Variants in ZSWIM5 observed in about 807,000 individuals in gnomAD.
The protein encoded by ZSWIM5 is zinc finger SWIM-type containing 5.
ZSWIM5 carries 55 observed loss-of-function variants against 119.6 expected under a neutral mutation model. The ratio of observed to expected loss-of-function variants is 0.46; its 90% CI spans 0.37 to 0.58. The LOEUF is 0.58. Ranked by LOEUF, ZSWIM5 falls within the 20% of genes least tolerant of loss-of-function variation. The pLI is 0.00. For missense variants in ZSWIM5, 1,193 were observed against 1,512.8 expected (o/e 0.79, Z 3.51); for synonymous variants, 537 against 606.9 (o/e 0.88, Z 1.69).
chr1:45,103,457 T>C (rs967570424), intron 1 of ZSWIM5, among the ~76,000 whole-genome samples: 1 of 152,234 alleles, frequency 6.6e-6, no homozygotes, highest in Non-Finnish European at 1.5e-5. Flanking sequence ...AAATGTAAAG[T>C]TGGGATCTGA....
At chr1:45,061,076 C>T (rs1645149444) in intron 2 of ZSWIM5, among the ~76,000 whole-genome samples, 2 of 152,032 alleles carry the variant, frequency 1.3e-5, no homozygotes, top group Non-Finnish European at 2.9e-5. Flanking sequence ...ATATTGAGCT[C>T]ACCTTGACAA....
chr1:45,047,562 G>T (rs1456549942), intron 5 of ZSWIM5, among the ~76,000 whole-genome samples: 1 of 152,168 alleles, frequency 6.6e-6, no homozygotes, highest in Non-Finnish European at 1.5e-5. Context: ...AATTCATGGA[G>T]AGTGAAAAAT....
chr1:45,020,497 A>C, intron 12 of ZSWIM5, 128 bp downstream of exon 12: 2 of 1,147,828 alleles, frequency 1.7e-6, no homozygotes, highest in Non-Finnish European at 2.5e-6. Flanking sequence ...CCTAGCCTAG[A>C]ACTTGTGTTC....
intron 1 of ZSWIM5, among the ~76,000 whole-genome samples, chr1:45,166,081 A>G (rs536160938): frequency 6.6e-6 from 1 of 152,288 alleles, no homozygotes; most frequent in Non-Finnish European, 1.5e-5. Flanking sequence ...AAATACTGGC[A>G]AACTGAATCC....
chr1:45,047,815 T>C (rs112267133), intron 5 of ZSWIM5, among the ~76,000 whole-genome samples: 14 of 152,234 alleles, frequency 9.2e-5, no homozygotes, highest in African/African-American at 3.4e-4. Flanking sequence ...TCTCTTCTGA[T>C]TGCTTCTTTA....
At chr1:45,066,968 GT>G (rs1395395651) in intron 2 of ZSWIM5, among the ~76,000 whole-genome samples, 1 of 152,140 alleles carries the variant, frequency 6.6e-6, no homozygotes, top group Non-Finnish European at 1.5e-5. Context: ...TAACTACAAG[GT>G]TTTCATCATG....
intron 5 of ZSWIM5, among the ~76,000 whole-genome samples, chr1:45,049,763 G>A (rs1167383982): frequency 2.6e-5 from 4 of 151,786 alleles, no homozygotes; most frequent in South Asian, 2.1e-4. Flanking sequence ...GCAGTGAGCC[G>A]AGATCGCAGT....
intron 1 of ZSWIM5, among the ~76,000 whole-genome samples, chr1:45,113,127 C>T (rs188129828): frequency 1.8e-4 from 28 of 152,236 alleles, no homozygotes; most frequent in Admixed American, 1.2e-3. Flanking sequence ...AGAGTAATGA[C>T]GGGCACAATT....
chr1:45,032,792 AT>A (rs11309060), intron 11 of ZSWIM5, among the ~76,000 whole-genome samples: 88,262 of 148,596 alleles, frequency 0.59, 27,139 homozygotes, highest in Middle Eastern at 0.76. Flanking sequence ...TGGCCTGATA[AT>A]TTTTTTTTTT....
At chr1:45,068,956 C>T (rs1369581599) in intron 2 of ZSWIM5, among the ~76,000 whole-genome samples, 1 of 151,612 alleles carries the variant, frequency 6.6e-6, no homozygotes, top group African/African-American at 2.4e-5. Context: ...CAGGCACACA[C>T]CACCATGCCC....
chr1:45,195,139 G>A (rs566197361), intron 1 of ZSWIM5, among the ~76,000 whole-genome samples: 3 of 152,060 alleles, frequency 2.0e-5, no homozygotes, highest in Middle Eastern at 3.4e-3. Flanking sequence ...ATTTTTAAAC[G>A]CCATTTTTAT....
rs778627612 is a variant in ZSWIM5 at position 45,034,299 on chromosome 1, T to C, written c.2449+13A>G. The C allele has an allele frequency of 6.3e-7, 1 of 1,580,786 alleles. No homozygotes were observed. Among genetic ancestry groups the C allele is most frequent in the South Asian group, 1.2e-5 (1 of 86,234 alleles). On this transcript the variant is annotated intron_variant, in intron 11 of 13. Coordinates refer to ENST00000359600, the MANE Select transcript of ZSWIM5 (RefSeq NM_020883.2). Reference sequence around the variant, plus strand: ...ACGGGTGATGCTGGAGCTTAAGGTCTATCTATGCTCACCTTTGGCAGCAGT... The same window carrying C: ...ACGGGTGATGCTGGAGCTTAAGGTCCATCTATGCTCACCTTTGGCAGCAGT...
In ZSWIM5 at chr1:45,206,108, CCGTT is replaced by C; in HGVS notation, c.239_242del (p.Glu80GlyfsTer122). On this transcript the variant is annotated frameshift_variant, in exon 1 of 14. Coordinates refer to ENST00000359600, the MANE Select transcript of ZSWIM5 (RefSeq NM_020883.2). LOFTEE classifies it high-confidence loss of function. ...GGATCCGCTCGAAGCGCTCCTCCACCCGTTCGTATGCCCACTTTTCCGCCACCGT... is the reference window on the plus strand; with the variant it reads ...GGATCCGCTCGAAGCGCTCCTCCACCCGTATGCCCACTTTTCCGCCACCGT... 6.2e-7 allele frequency: 1 copy of C among 1,611,806 alleles called. No individual in the cohort carries two copies. The highest frequency in any genetic ancestry group is 8.5e-7 in the Non-Finnish European group (1 of 1,179,438).
intron 1 of ZSWIM5, among the ~76,000 whole-genome samples, chr1:45,104,286 T>C (rs1287793264): frequency 6.6e-6 from 1 of 152,174 alleles, no homozygotes; most frequent in East Asian, 1.9e-4. Flanking sequence ...AAAGCCTTTC[T>C]CAAAAGCTGG....
intron 1 of ZSWIM5, among the ~76,000 whole-genome samples, chr1:45,154,337 G>A (rs936597338): frequency 6.6e-6 from 1 of 152,124 alleles, no homozygotes; most frequent in African/African-American, 2.4e-5. Context: ...CACATTACCT[G>A]ATTTCAAACA....
chr1:45,038,801 G>T, intron 8 of ZSWIM5, 135 bp downstream of exon 8: 1 of 1,025,466 alleles, frequency 9.8e-7, no homozygotes, highest in Non-Finnish European at 1.4e-6. Context: ...TTGCCATGTT[G>T]CCCAGGCTGG....
intron 4 of ZSWIM5, among the ~76,000 whole-genome samples, chr1:45,056,816 G>C (rs1460398071): frequency 6.6e-6 from 1 of 152,116 alleles, no homozygotes; most frequent in East Asian, 1.9e-4. Flanking sequence ...TAGAGGAGAA[G>C]GCAAACCATA....
chr1:45,172,849 G>A (rs1645954610), intron 1 of ZSWIM5, among the ~76,000 whole-genome samples: 1 of 152,030 alleles, frequency 6.6e-6, no homozygotes, highest in African/African-American at 2.4e-5. Flanking sequence ...TCAGAATGTT[G>A]TGCCTCTTTT....
chr1:45,151,601 A>G (rs1413682591), intron 1 of ZSWIM5, among the ~76,000 whole-genome samples: 1 of 152,130 alleles, frequency 6.6e-6, no homozygotes, highest in Admixed American at 6.6e-5. Flanking sequence ...TATAGGACAT[A>G]TAACAGGGAT....
Sources: allele counts gnomAD v4.1 joint callset (sites outside exome capture counted in the v4.1 genomes callset), GRCh38; gene constraint gnomAD v4.1.1; transcripts MANE v1.5; gene names NCBI Gene and HGNC (gene_info 2026-07-23, HGNC 2026-07-21).